CNOT1: variants seen among roughly 807,000 people sequenced by gnomAD.
The protein encoded by CNOT1 is CCR4-associated factor 1.
Under a neutral mutation model 273.8 loss-of-function variants are expected in CNOT1, and 15 were observed. The ratio of observed to expected loss-of-function variants is 0.05; its 90% CI spans 0.04 to 0.08. The LOEUF (loss-of-function observed/expected upper bound fraction) is 0.08, where lower values mean the gene tolerates loss of function less well. Ranked by LOEUF, CNOT1 falls within the 10% of genes least tolerant of loss-of-function variation. The pLI is 1.00. For synonymous variants in CNOT1, 1,022 were observed against 1,005.5 expected (o/e 1.02, Z -0.31); for missense variants, 1,644 against 2,912.2 (o/e 0.56, Z 10.02).
intron 16 of CNOT1, among the ~76,000 whole-genome samples, chr16:58,562,016 C>T (rs1036982417): frequency 6.6e-6 from 1 of 151,838 alleles, no homozygotes; most frequent in Non-Finnish European, 1.5e-5. Flanking sequence ...GCCTGGCCAA[C>T]ATGGTGAAAC....
At chr16:58,527,333 C>A (rs780696953) in intron 44 of CNOT1, among the ~76,000 whole-genome samples, 12 of 151,184 alleles carry the variant, frequency 7.9e-5, no homozygotes, top group Non-Finnish European at 1.5e-4. Context: ...ACCAGCCTGG[C>A]CAACTAGTGA....
chr16:58,611,020 G>A (rs925384909), intron 1 of CNOT1, among the ~76,000 whole-genome samples: 1 of 152,116 alleles, frequency 6.6e-6, no homozygotes, highest in African/African-American at 2.4e-5. Context: ...CTGGGTGACA[G>A]AGCTAGACTT....
At chr16:58,597,446 G>A (rs2042304055) in intron 2 of CNOT1, 1 of 193,446 alleles carries the variant, frequency 5.2e-6, no homozygotes. Flanking sequence ...CGGTATGCCA[G>A]CCTGAGTGAC....
In CNOT1 at chr16:58,613,812, G is replaced by A. The variant is rs547100082; in HGVS notation, c.-174-14301C>T. ...TTTTTTTCAAAGTAGAAAATTGGTC[G>A]CCGTGGTGGCTCACGCCTGTAATCC... On this transcript the variant is annotated intron_variant, in intron 1 of 48. Transcript: ENST00000317147. 2.3e-4 allele frequency among the ~76,000 whole-genome samples: 28 copies of A among 123,542 alleles called. 6 individuals are homozygous for A. Among genetic ancestry groups the A allele is most frequent in the African/African-American group, 5.7e-4 (21 of 36,774 alleles). 81.0% of individuals were successfully genotyped at this position (123,542 alleles called of 152,430 possible). A position where few individuals can be genotyped will look rare whatever the true frequency, so the allele number is the denominator to read the frequency against.
At chr16:58,561,556 G>GT (rs2040841308) in intron 16 of CNOT1, among the ~76,000 whole-genome samples, 1 of 152,084 alleles carries the variant, frequency 6.6e-6, no homozygotes, top group South Asian at 2.1e-4. Flanking sequence ...GTCAAGTAGG[G>GT]TAAATGTTTA....
chr16:58,609,922 T>C (rs1193101027), intron 1 of CNOT1, among the ~76,000 whole-genome samples: 2 of 151,648 alleles, frequency 1.3e-5, no homozygotes, highest in Non-Finnish European at 2.9e-5. Context: ...ACATATACAT[T>C]ATCTACTAAA....
chr16:58,576,643 C>T (rs886988792), intron 13 of CNOT1, 61 bp from the exon 14 acceptor site: 17 of 1,601,110 alleles, frequency 1.1e-5, no homozygotes, highest in Non-Finnish European at 1.3e-5. Flanking sequence ...GATATTATTA[C>T]AAATGCCCAG....
In CNOT1 at chr16:58,520,610, T is replaced by C. The variant is rs905169825; in HGVS notation, c.*348A>G. On this transcript the variant is annotated 3_prime_UTR_variant, in exon 49 of 49. Coordinates refer to ENST00000317147, the MANE Select transcript of CNOT1 (RefSeq NM_016284.5). Reference sequence around the variant, plus strand: ...TATGCCCTCAGACAAGTGCATGGCATCAGCTGCCTCTTCATTACAAGGTAC... The same window carrying C: ...TATGCCCTCAGACAAGTGCATGGCACCAGCTGCCTCTTCATTACAAGGTAC... 2 of 263,070 alleles carry C rather than the reference T, an allele frequency of 7.6e-6. No individual in the cohort carries two copies. Among genetic ancestry groups the C allele is most frequent in the Non-Finnish European group, 1.5e-5 (2 of 134,438 alleles). The allele number at this position is 263,070 out of a possible 1,614,324, so 16.3% of individuals were successfully genotyped here.
intron 1 of CNOT1, among the ~76,000 whole-genome samples, chr16:58,622,061 C>A (rs532151965): frequency 2.0e-5 from 3 of 150,326 alleles, no homozygotes; most frequent in Non-Finnish European, 3.0e-5. Context: ...ACCTGTAATC[C>A]CAGCACTTTG....
At chr16:58,544,091 C>A (rs1304471302) in intron 30 of CNOT1, among the ~76,000 whole-genome samples, 188 bp from the exon 31 acceptor site, 4 of 152,120 alleles carry the variant, frequency 2.6e-5, no homozygotes, top group Admixed American at 2.6e-4. Flanking sequence ...ATTCAGTATA[C>A]CCTGTGATAC....
chr16:58,629,253 C>T (rs1390727292), intron 1 of CNOT1, among the ~76,000 whole-genome samples: 1 of 152,228 alleles, frequency 6.6e-6, no homozygotes, highest in South Asian at 2.1e-4. Context: ...TGCAAAAACT[C>T]CAAACACGGT....
chr16:58,607,721 C>CAAAAAAAA (rs71385179), intron 1 of CNOT1, among the ~76,000 whole-genome samples: 113 of 66,946 alleles, frequency 1.7e-3, no homozygotes, highest in East Asian at 2.3e-3. Flanking sequence ...CAGCAAAACT[C>CAAAAAAAA]AAAAAAAAAA....
intron 12 of CNOT1, 65 bp downstream of exon 12, chr16:58,580,568 A>G: frequency 6.4e-7 from 1 of 1,561,390 alleles, no homozygotes; most frequent in Non-Finnish European, 8.6e-7. Context: ...TTGGCTTACT[A>G]TTAACTTTAT....
chr16:58,560,245 A>T lies in CNOT1; in HGVS notation c.2097T>A (p.Ser699Arg). The T allele has an allele frequency of 6.2e-7, 1 of 1,614,138 alleles. No homozygotes were observed. ...GAGAAATGGCATCTAAGCTGCTAGC[A>T]CTAGGAGGACGTCCTTTTGGCATAA... ...PGVMPKGRPP[S>R]ASSLDAISPV... Residue 699 changes from serine (S) to arginine (R), a missense_variant, in exon 17 of 49, where the codon AGT becomes AGA. Transcript: ENST00000317147.
At chr16:58,535,962 C>G (rs984972971) in intron 39 of CNOT1, among the ~76,000 whole-genome samples, 2 of 152,084 alleles carry the variant, frequency 1.3e-5, no homozygotes, top group African/African-American at 4.8e-5. Context: ...TCTCGATATC[C>G]TGACCTCGTG....
At chr16:58,555,939 A>C (rs1159147094) in intron 19 of CNOT1, 31 bp from the exon 20 acceptor site, 1 of 1,605,900 alleles carries the variant, frequency 6.2e-7, no homozygotes, top group South Asian at 1.1e-5. Flanking sequence ...ATCAGTGGGC[A>C]TTTAAGCCCT....
chr16:58,527,832 A>G (rs1187146683), intron 44 of CNOT1: 5 of 204,938 alleles, frequency 2.4e-5, no homozygotes, highest in Non-Finnish European at 3.0e-5. Flanking sequence ...TATGGAGACT[A>G]TGGCAGGGCG....
In CNOT1 at chr16:58,581,139, C is replaced by T. The variant is rs114011382; in HGVS notation, c.1215+206G>A. Among the ~76,000 whole-genome samples, 753 of 151,828 alleles carry T rather than the reference C, an allele frequency of 5.0e-3. 11 individuals carry two copies. Among genetic ancestry groups the T allele is most frequent in the African/African-American group, 0.017 (718 of 41,348 alleles). On this transcript the variant is annotated intron_variant, in intron 11 of 48. Coordinates refer to ENST00000317147, the MANE Select transcript of CNOT1 (RefSeq NM_016284.5). ...ACATCATTAAACTATTGGGAAAACA[C>T]CTTGACAGTTACACCTTAAAGGAGT...
chr16:58,605,644 T>G (rs573816468), intron 1 of CNOT1, among the ~76,000 whole-genome samples: 52 of 152,278 alleles, frequency 3.4e-4, no homozygotes, highest in Non-Finnish European at 3.2e-4. Context: ...ATAAAAATGC[T>G]AAATCCTTTC....
Sources: gnomAD v4.1 joint callset for allele counts (sites outside exome capture counted in the v4.1 genomes callset) on GRCh38, gnomAD v4.1.1 for gene constraint, MANE v1.5 for transcripts, NCBI Gene and HGNC (gene_info 2026-07-23, HGNC 2026-07-21) for gene names.